The following BMPR1B variants were observed in gnomAD, a reference collection of about 807,000 sequenced individuals.
BMPR1B encodes the protein bone morphogenetic protein receptor type 1B.
A neutral mutation model predicts 59.1 loss-of-function variants in BMPR1B; 12 were observed. The observed-to-expected ratio is 0.20, with a 90% CI of 0.13 to 0.33. BMPR1B has a LOEUF of 0.33. BMPR1B is among the 10% of genes least tolerant of loss of function. BMPR1B has a pLI of 1.00. For missense variants in BMPR1B, 550 were observed against 610.9 expected (o/e 0.90, Z 1.05); for synonymous variants, 237 against 207.3 (o/e 1.14, Z -1.23).
chr4:95,125,937 G>A (rs927580650), intron 8 of BMPR1B, among the ~76,000 whole-genome samples: 5 of 152,116 alleles, frequency 3.3e-5, no homozygotes, highest in Admixed American at 3.3e-4. Flanking sequence ...CCAGTATGCT[G>A]CCTGGGCTCT....
intron 9 of BMPR1B, 39 bp from the exon 10 acceptor site, chr4:95,131,176 T>C (rs746429466): frequency 6.3e-7 from 1 of 1,574,902 alleles, no homozygotes; most frequent in South Asian, 1.1e-5. Context: ...CTGATACTAT[T>C]TGGAAAACAC....
At chr4:95,079,189 T>C (rs761115475) in intron 3 of BMPR1B, among the ~76,000 whole-genome samples, 2 of 152,220 alleles carry the variant, frequency 1.3e-5, no homozygotes, top group Non-Finnish European at 2.9e-5. Flanking sequence ...GCAATCGCAA[T>C]AGAAAATACA....
At chr4:94,855,504 AG>A (rs890178600) in intron 1 of BMPR1B, among the ~76,000 whole-genome samples, 40 of 152,298 alleles carry the variant, frequency 2.6e-4, no homozygotes, top group Middle Eastern at 6.8e-3. Context: ...CCTTCAGAAA[AG>A]CTCTTCCCAT....
intron 1 of BMPR1B, among the ~76,000 whole-genome samples, chr4:94,827,894 A>T (rs1724440586): frequency 6.6e-6 from 1 of 152,224 alleles, no homozygotes. Context: ...GTCAAAAGAC[A>T]TGTCATCACC....
intron 1 of BMPR1B, among the ~76,000 whole-genome samples, chr4:94,793,074 A>G (rs921857045): frequency 3.8e-4 from 58 of 151,844 alleles, no homozygotes; most frequent in African/African-American, 1.3e-3. Flanking sequence ...TGTGCAGGTT[A>G]GTTACATATG....
At chr4:94,981,022 CAAA>C (rs1484712011) in intron 2 of BMPR1B, among the ~76,000 whole-genome samples, 1 of 151,818 alleles carries the variant, frequency 6.6e-6, no homozygotes, top group African/African-American at 2.4e-5. Flanking sequence ...CACACACACA[CAAA>C]AAGTAGAAGT....
intron 3 of BMPR1B, among the ~76,000 whole-genome samples, chr4:95,103,700 CTCTT>C (rs1261025814): frequency 6.6e-6 from 1 of 152,024 alleles, no homozygotes; most frequent in Non-Finnish European, 1.5e-5. Context: ...CCCAGAATAT[CTCTT>C]TCTAAGAGAT....
rs946576950 is a variant in BMPR1B at position 94,975,141 on chromosome 4, G to A, written c.-112-20899G>A. ...TCCTCAGGATGTGGGCTTTGGTGGT[G>A]GAGCAGGTGAGTAGGAGGGGCATGT... On this transcript the variant is annotated intron_variant, in intron 2 of 12. Transcript: ENST00000515059. Among the ~76,000 whole-genome samples the A allele has an allele frequency of 6.6e-5, 10 of 152,190 alleles. No individual in the cohort carries two copies. In the East Asian group the frequency reaches 1.4e-3, roughly 21 times the overall value.
At chr4:95,063,752 T>A (rs1229269746) in intron 3 of BMPR1B, among the ~76,000 whole-genome samples, 1 of 152,074 alleles carries the variant, frequency 6.6e-6, no homozygotes, top group African/African-American at 2.4e-5. Flanking sequence ...AAACATGCTG[T>A]ATGACATATA....
In BMPR1B at chr4:94,760,571, C is replaced by G. The variant is rs1398382227; in HGVS notation, c.-183+2503C>G. 2.0e-5 allele frequency among the ~76,000 whole-genome samples: 3 copies of G among 152,230 alleles called. No individual in the cohort carries two copies. In the East Asian group the frequency reaches 5.8e-4, roughly 29 times the overall value. ...ATCCAAATCTAAAGTCAGTTGTCAC[C>G]TACTCCAACCTAGCAGAGCCTTCCT... is the stretch of plus-strand genomic sequence containing the variant. On this transcript the variant is annotated intron_variant, in intron 1 of 12. Transcript: ENST00000515059.
intron 2 of BMPR1B, among the ~76,000 whole-genome samples, chr4:94,913,525 G>C (rs989219542): frequency 1.3e-5 from 2 of 152,078 alleles, no homozygotes; most frequent in Non-Finnish European, 2.9e-5. Flanking sequence ...ACTTTGCTTT[G>C]CTTTCTCCAG....
chr4:95,069,188 C>T (rs931865995), intron 3 of BMPR1B, among the ~76,000 whole-genome samples: 1 of 152,202 alleles, frequency 6.6e-6, no homozygotes, highest in African/African-American at 2.4e-5. Context: ...TCCACCACTA[C>T]CACCCATGTC....
At position 94,887,716 on chromosome 4, in the gene BMPR1B, C is replaced by T. The variant is rs1038286232; in HGVS notation, c.-113+11816C>T. 5.3e-5 allele frequency among the ~76,000 whole-genome samples: 8 copies of T among 151,582 alleles called. No homozygotes were observed. In the East Asian group the frequency reaches 1.2e-3, roughly 22 times the overall value. ...AAAGACCAAGAGGATACAAATGACA[C>T]GAAGCAAAATGGGTCATAGAGAAAG... On this transcript the variant is annotated intron_variant, in intron 2 of 12. Transcript: ENST00000515059.
intron 11 of BMPR1B, among the ~76,000 whole-genome samples, chr4:95,150,923 A>G (rs535890715): frequency 6.6e-6 from 1 of 152,306 alleles, no homozygotes; most frequent in East Asian, 1.9e-4. Flanking sequence ...TAATAAGATA[A>G]TTTATATAGC....
intron 1 of BMPR1B, among the ~76,000 whole-genome samples, chr4:94,861,330 G>C (rs74841145): frequency 0.12 from 17,812 of 152,216 alleles, 1,092 homozygotes; most frequent in Non-Finnish European, 0.14. Context: ...TTAGGACAAC[G>C]TGTGGTGCAT....
intron 2 of BMPR1B, among the ~76,000 whole-genome samples, chr4:94,889,388 T>A (rs552288441): frequency 9.2e-5 from 14 of 152,092 alleles, no homozygotes; most frequent in African/African-American, 3.4e-4. Flanking sequence ...GTAGTATCTC[T>A]GTTTTTCAGA....
At chr4:94,940,577 C>T (rs1318484502) in intron 2 of BMPR1B, among the ~76,000 whole-genome samples, 3 of 152,118 alleles carry the variant, frequency 2.0e-5, no homozygotes, top group South Asian at 4.1e-4. Flanking sequence ...TTGTATAATA[C>T]GTGTAAGCTG....
chr4:94,869,072 G>T (rs1726370214), intron 1 of BMPR1B, among the ~76,000 whole-genome samples: 1 of 146,528 alleles, frequency 6.8e-6, no homozygotes, highest in African/African-American at 2.5e-5. Flanking sequence ...TCCATGATTT[G>T]TTTGAATTAA....
At chr4:94,964,562 C>T (rs150065838) in intron 2 of BMPR1B, among the ~76,000 whole-genome samples, 1 of 152,206 alleles carries the variant, frequency 6.6e-6, no homozygotes, top group East Asian at 1.9e-4. Context: ...GCTTTGTTAA[C>T]ACAGAAAGAA....
Sources: allele counts gnomAD v4.1 joint callset (sites outside exome capture counted in the v4.1 genomes callset), GRCh38; gene constraint gnomAD v4.1.1; transcripts MANE v1.5; gene names NCBI Gene and HGNC (gene_info 2026-07-23, HGNC 2026-07-21).